Variants in ABR observed in about 807,000 individuals in gnomAD.
ABR encodes the protein active breakpoint cluster region-related protein.
ABR carries 35 observed loss-of-function variants against 107.2 expected under a neutral mutation model. The observed-to-expected ratio is 0.33, with a 90% CI of 0.25 to 0.43. The LOEUF (loss-of-function observed/expected upper bound fraction) is 0.43. Ranked by LOEUF, ABR falls within the 20% of genes least tolerant of loss-of-function variation. The pLI, the probability that ABR is intolerant of heterozygous loss-of-function variation, is 1.00. For missense variants in ABR, 815 were observed against 1,115.2 expected (o/e 0.73, Z 3.83); for synonymous variants, 498 against 462.0 (o/e 1.08, Z -1.00).
chr17:1,226,715 A>G (rs2043226661), intron 1 of ABR, among the ~76,000 whole-genome samples: 1 of 47,464 alleles, frequency 2.1e-5, no homozygotes, highest in Non-Finnish European at 5.6e-5. Flanking sequence ...GTGTGCATGC[A>G]TGTATGTGGC....
chr17:1,150,226 C>G lies in ABR; in HGVS notation c.62-24859G>C, dbSNP rs2040738045. ...TGTCAGAATTTTTTTTGTTACCCAC[C>G]TGACAAAGCTCTTCATCTTGCTAAA... On this transcript the variant is annotated intron_variant, in intron 1 of 22. Transcript: ENST00000302538. The surrounding 1 kb of genome is among the most constrained non-coding windows in gnomAD (Gnocchi z 4.8). 6.6e-6 allele frequency among the ~76,000 whole-genome samples: 1 copy of G among 152,148 alleles called. No homozygotes were observed. Among genetic ancestry groups the G allele is most frequent in the Non-Finnish European group, 1.5e-5 (1 of 68,032 alleles).
chr17:1,084,000 C>T (rs9891196), intron 4 of ABR, among the ~76,000 whole-genome samples: 4,827 of 151,990 alleles, frequency 0.032, 215 homozygotes, highest in African/African-American at 0.1. Flanking sequence ...TGGAATTAGC[C>T]GGAGCAGGGA....
At chr17:1,193,708 G>C (rs2042486336) in intron 1 of ABR, among the ~76,000 whole-genome samples, 1 of 152,194 alleles carries the variant, frequency 6.6e-6, no homozygotes, top group African/African-American at 2.4e-5. Flanking sequence ...GTTTGAGATA[G>C]AGTCTCCCTC....
intron 5 of ABR, among the ~76,000 whole-genome samples, chr17:1,080,431 T>TG (rs1475681845): frequency 6.6e-6 from 1 of 152,144 alleles, no homozygotes; most frequent in Non-Finnish European, 1.5e-5. Flanking sequence ...AACAGGACAG[T>TG]GCAGCCTGCA....
At chr17:1,212,562 C>A (rs8078248) in intron 1 of ABR, among the ~76,000 whole-genome samples, 2 of 152,136 alleles carry the variant, frequency 1.3e-5, no homozygotes, top group Non-Finnish European at 2.9e-5. Context: ...CGAGACTGGC[C>A]TGGCCAACAT....
chr17:1,151,532 C>G (rs989182713), intron 1 of ABR, among the ~76,000 whole-genome samples: 8 of 152,176 alleles, frequency 5.3e-5, no homozygotes. Flanking sequence ...CCTCGGTCAG[C>G]CACTCCCCAC....
intron 1 of ABR, chr17:1,153,852 CACGCAT>C (rs1275713049): frequency 5.1e-5 from 11 of 216,638 alleles, no homozygotes; most frequent in African/African-American, 2.6e-4. Context: ...CAGCCTGTCA[CACGCAT>C]CACATGGTGA....
chr17:1,179,707 C>T lies in ABR; in HGVS notation c.21G>A (p.Arg7=). Residue 7 remains arginine, a synonymous_variant, in exon 1 of 23, where the codon CGG becomes CGA. Coordinates refer to ENST00000302538, the MANE Select transcript of ABR (RefSeq NM_021962.5). The surrounding 1 kb of genome is among the most constrained non-coding windows in gnomAD (Gnocchi z 4.9). The part of the protein sequence containing the change: MEPLSH[R]GLPRLSWIDT... ...CGATCCAGGACAGGCGCGGCAGGCC[C>T]CGGTGGCTGAGCGGCTCCATCCCGC... The T allele has an allele frequency of 3.9e-6, 6 of 1,553,490 alleles. No homozygotes were observed. The highest frequency in any genetic ancestry group is 5.2e-6 in the Non-Finnish European group (6 of 1,149,546).
At chr17:1,111,240 G>A (rs553212620) in intron 2 of ABR, among the ~76,000 whole-genome samples, 5 of 152,292 alleles carry the variant, frequency 3.3e-5, no homozygotes, top group African/African-American at 1.2e-4. Flanking sequence ...ACGGCATGGT[G>A]AGACTGACGC....
Position 1,084,838 on chromosome 17 carries a change from C to T in ABR, c.532-1211G>A, listed in dbSNP as rs576305956. ...TTGTTTTTGTTTTGAGATGGAGTTT[C>T]GCTCTTGTTGCCCAGGCTGCAGTAC... On this transcript the variant is annotated intron_variant, in intron 4 of 22. Coordinates refer to ENST00000302538, the MANE Select transcript of ABR (RefSeq NM_021962.5). The surrounding 1 kb of genome is among the most constrained non-coding windows in gnomAD (Gnocchi z 4.2). Among the ~76,000 whole-genome samples, 6 of 152,290 alleles carry T rather than the reference C, an allele frequency of 3.9e-5. No homozygotes were observed. The highest frequency in any genetic ancestry group is 3.9e-4 in the East Asian group (2 of 5,180).
chr17:1,103,899 C>G (rs1247824835), intron 2 of ABR, among the ~76,000 whole-genome samples: 1 of 152,214 alleles, frequency 6.6e-6, no homozygotes. Flanking sequence ...TTTCCTCAGA[C>G]TCCACAATTC....
chr17:1,195,304 C>CAAAAAAAAAAA lies in ABR; in HGVS notation c.838+33478_838+33488dup, dbSNP rs564020208. The stretch of plus-strand genomic sequence containing the variant: ...CCTGGGCGACAGAATGAGACTGTCT[C>CAAAAAAAAAAA]AAAAAAAAAAAAAAGTCCTGGCCTC... On this transcript the variant is annotated intron_variant, in intron 1 of 22. Coordinates refer to the ABR transcript ENST00000574139. Among the ~76,000 whole-genome samples, 646 of 86,746 alleles carry CAAAAAAAAAAA rather than the reference C, an allele frequency of 7.4e-3. 19 individuals carry two copies. Among genetic ancestry groups the CAAAAAAAAAAA allele is most frequent in the Non-Finnish European group, 0.011 (464 of 41,356 alleles). 56.9% of individuals were successfully genotyped at this position (86,746 alleles called of 152,430 possible). A position where few individuals can be genotyped will look rare whatever the true frequency, so the allele number is the denominator to read the frequency against.
rs147644756 is a variant in ABR at position 1,049,413 on chromosome 17, A to G, written c.1791+637T>C. 4.7e-3 allele frequency among the ~76,000 whole-genome samples: 717 copies of G among 152,032 alleles called. 8 individuals are homozygous for G. The highest frequency in any genetic ancestry group is 0.016 in the African/African-American group (684 of 41,464). ...GAACTCCTGACCTCGTGATCCACCC[A>G]CCTCGGCCTCCCAAGGTGCTGGGAT... On this transcript the variant is annotated intron_variant, in intron 16 of 22. Transcript: ENST00000302538.
chr17:1,170,455 G>C (rs1343125221), intron 1 of ABR, among the ~76,000 whole-genome samples: 1 of 152,072 alleles, frequency 6.6e-6, no homozygotes, highest in East Asian at 1.9e-4. Context: ...TATTTATTTT[G>C]AGATGGAGTC....
intron 1 of ABR, among the ~76,000 whole-genome samples, chr17:1,149,979 G>A (rs953566427): frequency 1.3e-5 from 2 of 152,162 alleles, no homozygotes; most frequent in African/African-American, 2.4e-5. Flanking sequence ...TAGTCCAGGC[G>A]AAGTTCTAAG....
intron 1 of ABR, among the ~76,000 whole-genome samples, chr17:1,167,807 C>A (rs542561067): frequency 6.6e-6 from 1 of 152,332 alleles, no homozygotes; most frequent in Admixed American, 6.5e-5. Context: ...GAGAGTCTGG[C>A]AGAGAAGAAA....
intron 1 of ABR, among the ~76,000 whole-genome samples, chr17:1,218,809 C>T (rs2043060700): frequency 6.6e-6 from 1 of 152,140 alleles, no homozygotes; most frequent in African/African-American, 2.4e-5. Flanking sequence ...CCCCCAAGTC[C>T]AGTGAACAGA....
rs1567889210 is a variant in ABR at position 1,203,435 on chromosome 17, GACGGAGTCT to G, written c.838+25349_838+25357del. On this transcript the variant is annotated intron_variant, in intron 1 of 22. Coordinates refer to the ABR transcript ENST00000574139. ...AGTCTGCGGGGGCGGGGCCCGCGGG[GACGGAGTCT>G]GCGGGGGCGGGGCCCGCGGGGACGG... Among the ~76,000 whole-genome samples, 2 of 80,368 alleles carry G rather than the reference GACGGAGTCT, an allele frequency of 2.5e-5. 1 individual carries two copies. Among genetic ancestry groups the G allele is most frequent in the Non-Finnish European group, 5.3e-5 (2 of 37,436 alleles). The allele number at this position is 80,368 out of a possible 152,430, so 52.7% of individuals were successfully genotyped here. A position where few individuals can be genotyped will look rare whatever the true frequency, so the allele number is the denominator to read the frequency against.
chr17:1,016,363 C>A (rs557917549), intron 16 of ABR, among the ~76,000 whole-genome samples: 2 of 148,752 alleles, frequency 1.3e-5, no homozygotes, highest in Admixed American at 1.4e-4. Context: ...GTCGCCCAGG[C>A]TGGAGTGCAG....
Sources: gnomAD v4.1 joint callset for allele counts (sites outside exome capture counted in the v4.1 genomes callset) on GRCh38, gnomAD v4.1.1 for gene constraint, Gnocchi (gnomAD v3.1) non-coding constraint, MANE v1.5 for transcripts, NCBI Gene and HGNC (gene_info 2026-07-23, HGNC 2026-07-21) for gene names.